The following LDLRAD4 variants were observed in gnomAD, a reference collection of about 807,000 sequenced individuals.
The protein encoded by LDLRAD4 is low density lipoprotein receptor class A domain containing 4.
A neutral mutation model predicts 17.0 loss-of-function variants in LDLRAD4; 5 were observed. That is an observed-to-expected ratio of 0.29 (90% CI 0.15 to 0.62). LDLRAD4 has a LOEUF of 0.62. Among genes scored for constraint, LDLRAD4 ranks in the 20% least tolerant of loss-of-function variants. The pLI, the probability that LDLRAD4 is intolerant of heterozygous loss-of-function variation, is 0.84. For synonymous variants in LDLRAD4, 168 were observed against 171.8 expected (o/e 0.98, Z 0.17); for missense variants, 340 against 424.7 (o/e 0.80, Z 1.75).
intron 1 of LDLRAD4, among the ~76,000 whole-genome samples, chr18:13,353,825 T>A (rs2083182341): frequency 6.6e-6 from 1 of 152,242 alleles, no homozygotes; most frequent in African/African-American, 2.4e-5. Flanking sequence ...ATTTTGAATG[T>A]GGCTTCTTCA....
intron 1 of LDLRAD4, among the ~76,000 whole-genome samples, chr18:13,220,100 T>C (rs1183870997): frequency 1.3e-5 from 2 of 152,260 alleles, no homozygotes; most frequent in African/African-American, 2.4e-5. Context: ...TGAAATGTTA[T>C]TTGATGGACC....
intron 3 of LDLRAD4, among the ~76,000 whole-genome samples, chr18:13,558,534 G>A (rs544404437): frequency 1.3e-5 from 2 of 152,326 alleles, no homozygotes; most frequent in East Asian, 3.9e-4. Context: ...GCTGTAACCC[G>A]AAGAATTGGC....
intron 4 of LDLRAD4, among the ~76,000 whole-genome samples, chr18:13,623,630 C>T (rs926867776): frequency 3.3e-5 from 5 of 152,218 alleles, no homozygotes; most frequent in Admixed American, 2.6e-4. Context: ...GCCCTTGCTC[C>T]ACTTCCCGAT....
chr18:13,469,346 A>G (rs2092707959), intron 3 of LDLRAD4, among the ~76,000 whole-genome samples: 3 of 152,274 alleles, frequency 2.0e-5, no homozygotes, highest in South Asian at 2.1e-4. Context: ...CAAGTTAAAC[A>G]TACAATTACC....
chr18:13,579,685 T>C (rs187408301), intron 3 of LDLRAD4, among the ~76,000 whole-genome samples: 1 of 152,360 alleles, frequency 6.6e-6, no homozygotes, highest in Admixed American at 6.5e-5. Flanking sequence ...CCAAAGATTC[T>C]ATGTAAATAG....
chr18:13,416,952 T>C (rs925389813), intron 2 of LDLRAD4, among the ~76,000 whole-genome samples: 2 of 152,258 alleles, frequency 1.3e-5, no homozygotes. Context: ...GTACTATTTC[T>C]GTCTCCTTTT....
At chr18:13,586,869 A>G (rs1402429619) in intron 3 of LDLRAD4, among the ~76,000 whole-genome samples, 1 of 151,934 alleles carries the variant, frequency 6.6e-6, no homozygotes, top group Non-Finnish European at 1.5e-5. Flanking sequence ...ATCTAAAAAA[A>G]AAAAAAAAAG....
At chr18:13,550,924 T>A (rs1001647158) in intron 3 of LDLRAD4, among the ~76,000 whole-genome samples, 4 of 152,220 alleles carry the variant, frequency 2.6e-5, no homozygotes, top group African/African-American at 9.6e-5. Flanking sequence ...GCTGTCACCG[T>A]GGGCAGAGAT....
intron 3 of LDLRAD4, among the ~76,000 whole-genome samples, chr18:13,451,894 T>C (rs2091857575): frequency 6.6e-6 from 1 of 152,208 alleles, no homozygotes; most frequent in African/African-American, 2.4e-5. Context: ...TTTCAACATA[T>C]GACTTTGGGG....
At chr18:13,330,180 C>T (rs773592430) in intron 1 of LDLRAD4, among the ~76,000 whole-genome samples, 41 of 152,236 alleles carry the variant, frequency 2.7e-4, no homozygotes, top group Non-Finnish European at 4.3e-4. Context: ...AGGATGATCT[C>T]GAGCTCCTGA....
chr18:13,370,180 G>A (rs1039507440), intron 1 of LDLRAD4, among the ~76,000 whole-genome samples: 10 of 152,236 alleles, frequency 6.6e-5, no homozygotes, highest in Non-Finnish European at 2.9e-5. Flanking sequence ...AAATACATGC[G>A]CCAGCACACA....
intron 1 of LDLRAD4, chr18:13,362,433 G>A (rs1367413259): frequency 6.6e-6 from 1 of 152,232 alleles, no homozygotes. Flanking sequence ...TCACAGAGGA[G>A]ACCAAGGTAT....
chr18:13,537,031 T>G (rs1384031324), intron 3 of LDLRAD4, among the ~76,000 whole-genome samples: 1 of 152,218 alleles, frequency 6.6e-6, no homozygotes, highest in African/African-American at 2.4e-5. Flanking sequence ...TTGCTAAAAT[T>G]TTGCTAAGGA....
chr18:13,389,184 C>T (rs1187770995), intron 2 of LDLRAD4, among the ~76,000 whole-genome samples: 1 of 152,220 alleles, frequency 6.6e-6, no homozygotes, highest in Non-Finnish European at 1.5e-5. Context: ...CCTGTCCTTC[C>T]TCATCCTTAC....
intron 4 of LDLRAD4, among the ~76,000 whole-genome samples, chr18:13,640,697 G>A (rs2042469042): frequency 6.6e-6 from 1 of 152,210 alleles, no homozygotes. Context: ...TGAGGAAGGT[G>A]GTGTGGCGGG....
chr18:13,372,871 C>T (rs2084620856), intron 1 of LDLRAD4, among the ~76,000 whole-genome samples: 1 of 152,218 alleles, frequency 6.6e-6, no homozygotes, highest in Non-Finnish European at 1.5e-5. Context: ...AGCAGAGGAG[C>T]AGGGGCCGAG....
In LDLRAD4 at chr18:13,360,499, A is replaced by G. The variant is rs191127678; in HGVS notation, c.-382-26842A>G. Among the ~76,000 whole-genome samples the G allele has an allele frequency of 3.3e-5, 5 of 149,832 alleles. No homozygotes were observed. The South Asian group carries it at 8.5e-4, about 25-fold the overall frequency. Reference sequence around the variant, plus strand: ...TTGCCTGGTGGCAGATATCAACACTAAAAAAAGTATGACAAAAGATTCCTG... The same window carrying G: ...TTGCCTGGTGGCAGATATCAACACTGAAAAAAGTATGACAAAAGATTCCTG... On this transcript the variant is annotated intron_variant, in intron 1 of 5. Coordinates refer to ENST00000359446, the Ensembl canonical transcript of LDLRAD4.
At chr18:13,395,216 C>T (rs564423185) in intron 2 of LDLRAD4, among the ~76,000 whole-genome samples, 1 of 151,650 alleles carries the variant, frequency 6.6e-6, no homozygotes, top group South Asian at 2.1e-4. Flanking sequence ...TGTAAAGTAC[C>T]AAAACACAGT....
At chr18:13,277,419 C>T (rs78449150), upstream of LDLRAD4, among the ~76,000 whole-genome samples, 6,554 of 152,262 alleles carry the variant, frequency 0.043, 273 homozygotes, top group African/African-American at 0.11. Flanking sequence ...CCACCTGGGA[C>T]GGTGCGATGC....
Sources: allele counts gnomAD v4.1 joint callset (sites outside exome capture counted in the v4.1 genomes callset), GRCh38; gene constraint gnomAD v4.1.1; transcripts MANE v1.5; gene names NCBI Gene and HGNC (gene_info 2026-07-23, HGNC 2026-07-21).